FIGN: variants seen among roughly 807,000 people sequenced by gnomAD.
The protein encoded by FIGN is fidgetin.
Under a neutral mutation model 51.3 loss-of-function variants are expected in FIGN, and 11 were observed. The ratio of observed to expected loss-of-function variants is 0.21; its 90% CI spans 0.13 to 0.35. The LOEUF (loss-of-function observed/expected upper bound fraction) is 0.35, where lower values mean the gene tolerates loss of function less well. Ranked by LOEUF, FIGN falls within the 10% of genes least tolerant of loss-of-function variation. FIGN has a pLI of 1.00. For synonymous variants in FIGN, 407 were observed against 363.2 expected (o/e 1.12, Z -1.37); for missense variants, 857 against 943.6 (o/e 0.91, Z 1.20).
chr2:163,626,390 C>T lies in FIGN; in HGVS notation c.26-14584G>A, dbSNP rs560343810. Among the ~76,000 whole-genome samples, 916 of 152,172 alleles carry T rather than the reference C, an allele frequency of 6.0e-3. 3 individuals carry two copies. The highest frequency in any genetic ancestry group is 0.011 in the Non-Finnish European group (729 of 67,990). ...AAATAAACAAAAAACTAAGAGGGTT[C>T]ATTGCCTTATGACTTCTTACAACCT... On this transcript the variant is annotated intron_variant, in intron 2 of 2. Coordinates refer to ENST00000333129, the MANE Select transcript of FIGN (RefSeq NM_018086.4).
chr2:163,714,166 T>G (rs1684631774), intron 2 of FIGN, among the ~76,000 whole-genome samples: 1 of 152,196 alleles, frequency 6.6e-6, no homozygotes, highest in Non-Finnish European at 1.5e-5. Flanking sequence ...CATCACTTTT[T>G]TCTTTTACAA....
rs202072418 is a variant in FIGN at position 163,676,434 on chromosome 2, AATATATAT to A, written c.25+58461_25+58468del. 6.8e-3 allele frequency among the ~76,000 whole-genome samples: 449 copies of A among 65,830 alleles called. 2 individuals carry two copies. The highest frequency in any genetic ancestry group is 9.3e-3 in the African/African-American group (187 of 20,180). 43.2% of individuals were successfully genotyped at this position (65,830 alleles called of 152,430 possible). A position where few individuals can be genotyped will look rare whatever the true frequency, so the allele number is the denominator to read the frequency against. On this transcript the variant is annotated intron_variant, in intron 2 of 2. Coordinates refer to ENST00000333129, the MANE Select transcript of FIGN (RefSeq NM_018086.4). ...ATTAAAACATCTCATGGATTCCTGG[AATATATAT>A]ATATATATATATATATATATATATA... is the stretch of plus-strand genomic sequence containing the variant.
chr2:163,683,490 A>G (rs989909846), intron 2 of FIGN, among the ~76,000 whole-genome samples: 1 of 152,208 alleles, frequency 6.6e-6, no homozygotes, highest in African/African-American at 2.4e-5. Flanking sequence ...GGGTCAAACC[A>G]ATACAGCAGA....
chr2:163,732,270 A>G (rs1181007015), intron 2 of FIGN, among the ~76,000 whole-genome samples: 2 of 152,242 alleles, frequency 1.3e-5, no homozygotes, highest in Non-Finnish European at 2.9e-5. Context: ...AACATGCACA[A>G]TTAATAAACA....
At chr2:163,683,161 A>G in intron 2 of FIGN, among the ~76,000 whole-genome samples, 1 of 152,202 alleles carries the variant, frequency 6.6e-6, no homozygotes, top group Admixed American at 6.5e-5. Flanking sequence ...CCATGCCTCA[A>G]AGCCCCCAGG....
chr2:163,610,197 G>C lies in FIGN; in HGVS notation c.1635C>G (p.Ala545=). The stretch of plus-strand genomic sequence containing the variant: ...CAGAACCGGCAATTTTGAAAAATGT[G>C]GCCCCCAGCTGACTAGCGATGCATC... ...LGRCIASQLG[A]TFFKIAGSGL... Residue 545 remains alanine, a synonymous_variant, in exon 3 of 3, where the codon GCC becomes GCG. Coordinates refer to ENST00000333129, the MANE Select transcript of FIGN (RefSeq NM_018086.4). The C allele has an allele frequency of 6.2e-7, 1 of 1,614,088 alleles. No homozygotes were observed.
intron 2 of FIGN, among the ~76,000 whole-genome samples, chr2:163,701,123 A>T (rs1684401921): frequency 6.6e-6 from 1 of 151,888 alleles, no homozygotes; most frequent in Non-Finnish European, 1.5e-5. Context: ...TGTAATGGTT[A>T]AAAAAAATAT....
At chr2:163,644,708 A>G (rs1054491151) in intron 2 of FIGN, among the ~76,000 whole-genome samples, 1 of 152,236 alleles carries the variant, frequency 6.6e-6, no homozygotes, top group African/African-American at 2.4e-5. Flanking sequence ...AATGGATTAA[A>G]AAAAGTCATA....
At chr2:163,665,301 C>T (rs1683756136) in intron 2 of FIGN, among the ~76,000 whole-genome samples, 1 of 152,244 alleles carries the variant, frequency 6.6e-6, no homozygotes, top group Non-Finnish European at 1.5e-5. Flanking sequence ...TAAGGAAGAG[C>T]CATTCTTCAT....
rs541199235 is a variant in FIGN at position 163,614,948 on chromosome 2, G to A, written c.26-3142C>T. On this transcript the variant is annotated intron_variant, in intron 2 of 2. Transcript: ENST00000333129. ...TAAGTTATAATCACTGTAAAAGACA[G>A]TAGTATACAGTTTAAATAGAGTGTC... is the stretch of plus-strand genomic sequence containing the variant. 7.5e-4 allele frequency among the ~76,000 whole-genome samples: 114 copies of A among 152,200 alleles called. 1 individual carries two copies. Among genetic ancestry groups the A allele is most frequent in the African/African-American group, 2.7e-3 (113 of 41,542 alleles).
At chr2:163,656,182 G>A (rs1486506572) in intron 2 of FIGN, among the ~76,000 whole-genome samples, 2 of 152,098 alleles carry the variant, frequency 1.3e-5, no homozygotes, top group African/African-American at 4.8e-5. Context: ...CTAACCCCTA[G>A]TTGCTGACTC....
intron 2 of FIGN, among the ~76,000 whole-genome samples, chr2:163,699,060 A>G (rs1684367418): frequency 6.6e-6 from 1 of 152,134 alleles, no homozygotes; most frequent in African/African-American, 2.4e-5. Context: ...AAAGGAATGT[A>G]CCTAAACTTA....
In FIGN at chr2:163,619,171, A is replaced by G. The variant is rs370034849; in HGVS notation, c.26-7365T>C. On this transcript the variant is annotated intron_variant, in intron 2 of 2. Transcript: ENST00000333129. ...ATTCCTAATGTGCTGTATGTTTGAT[A>G]CCACAAACCAAAGCTTAATTTAACA... Among the ~76,000 whole-genome samples the G allele has an allele frequency of 8.5e-5, 13 of 152,282 alleles. No individual in the cohort carries two copies. The East Asian group carries it at 2.5e-3, about 29-fold the overall frequency.
intron 2 of FIGN, among the ~76,000 whole-genome samples, chr2:163,688,559 G>A (rs1684190231): frequency 6.6e-6 from 1 of 152,164 alleles, no homozygotes; most frequent in South Asian, 2.1e-4. Flanking sequence ...AGAAATCGCT[G>A]TTTAGATGGA....
At chr2:163,612,725 T>TAAATAC in intron 2 of FIGN, 2 of 260,436 alleles carry the variant, frequency 7.7e-6, no homozygotes, top group Non-Finnish European at 1.2e-5. Flanking sequence ...TGTGTATTTA[T>TAAATAC]ACACATCCTG....
chr2:163,735,146 G>A (rs1684994463), intron 1 of FIGN, 74 bp from the exon 2 acceptor site: 7 of 521,474 alleles, frequency 1.3e-5, no homozygotes, highest in Admixed American at 1.1e-4. Flanking sequence ...AAGAAAGAAA[G>A]GAAAAAAAGC....
intron 2 of FIGN, among the ~76,000 whole-genome samples, chr2:163,653,748 C>T (rs950910378): frequency 1.3e-5 from 2 of 151,982 alleles, no homozygotes; most frequent in African/African-American, 4.8e-5. Flanking sequence ...TCTATCTATA[C>T]GATGGAAGTC....
chr2:163,620,833 A>G (rs1056552405), intron 2 of FIGN, among the ~76,000 whole-genome samples: 8 of 140,086 alleles, frequency 5.7e-5, no homozygotes, highest in African/African-American at 2.1e-4. Flanking sequence ...AGGTGCACAT[A>G]TAACTCTGTG....
chr2:163,632,715 G>C (rs950464157), intron 2 of FIGN, among the ~76,000 whole-genome samples: 5 of 152,204 alleles, frequency 3.3e-5, no homozygotes, highest in African/African-American at 1.2e-4. Context: ...ATGCCAGAAG[G>C]AGTTCCTCTT....
Sources: allele counts gnomAD v4.1 joint callset (sites outside exome capture counted in the v4.1 genomes callset), GRCh38; gene constraint gnomAD v4.1.1; transcripts MANE v1.5; gene names NCBI Gene and HGNC (gene_info 2026-07-23, HGNC 2026-07-21).